SULT1B1: variants seen among roughly 807,000 people sequenced by gnomAD.
SULT1B1 encodes the protein sulfotransferase family 1B member 1.
A neutral mutation model predicts 34.6 loss-of-function variants in SULT1B1; 28 were observed. The observed-to-expected ratio is 0.81, with a 90% confidence interval of 0.60 to 1.11. SULT1B1 has a LOEUF of 1.11. SULT1B1 is among the 50% of genes least tolerant of loss of function. The pLI, the probability that SULT1B1 is intolerant of heterozygous loss-of-function variation, is 0.00. For missense variants in SULT1B1, 374 were observed against 352.2 expected, an observed-to-expected ratio of 1.06 and a Z score of -0.50; for synonymous variants, 147 against 110.2, an observed-to-expected ratio of 1.33 and a Z score of -2.09.
At chr4:69,740,548 A>T (rs1205171514) in intron 4 of SULT1B1, among the ~76,000 whole-genome samples, 1 of 152,188 alleles carries the variant, frequency 6.6e-6, no homozygotes, top group Non-Finnish European at 1.5e-5. Context: ...TCAAGGTGAG[A>T]TTTGGGTAGA....
intron 3 of SULT1B1, among the ~76,000 whole-genome samples, chr4:69,754,383 C>T (rs1436736201): frequency 1.3e-5 from 2 of 152,096 alleles, no homozygotes; most frequent in Non-Finnish European, 2.9e-5. Flanking sequence ...ACTTACTAAT[C>T]TAATCAGACA....
intron 6 of SULT1B1, 37 bp downstream of exon 6, chr4:69,733,376 T>TG: frequency 6.9e-7 from 1 of 1,452,696 alleles, no homozygotes; most frequent in Non-Finnish European, 9.5e-7. Flanking sequence ...CATGATGCAG[T>TG]GGGGAAATTA....
At position 69,733,480 on chromosome 4, in the gene SULT1B1, A is replaced by G. The variant is rs1420324365; in HGVS notation, c.530T>C (p.Val177Ala). ...KVAYGSWFTH[V>A]KNWWKKKEEH... is the part of the protein sequence containing the mutation. ...TTCCTTTTTCTTCCACCAGTTTTTA[A>G]CATGAGTAAACCAGGAACCATAGGC... The change falls in exon 6 of 8, where the codon GTT becomes GCT. Residue 177 changes from valine (V) to alanine (A), a missense_variant. By Grantham distance (64) the Val-to-Ala change is moderately conservative. Coordinates refer to ENST00000310613, the MANE Select transcript of SULT1B1 (RefSeq NM_014465.4). 2 of 1,608,282 alleles carry G rather than the reference A, an allele frequency of 1.2e-6. No individual in the cohort carries two copies. The highest frequency in any genetic ancestry group is 1.1e-5 in the South Asian group (1 of 90,050).
intron 4 of SULT1B1, 147 bp from the exon 5 acceptor site, chr4:69,734,411 A>C: frequency 1.4e-6 from 1 of 734,918 alleles, no homozygotes; most frequent in South Asian, 2.0e-5. Context: ...AACAGCTAAA[A>C]TATAGAATCA....
chr4:69,744,755 T>C (rs1298603687), intron 4 of SULT1B1, among the ~76,000 whole-genome samples: 1 of 152,220 alleles, frequency 6.6e-6, no homozygotes, highest in Non-Finnish European at 1.5e-5. Context: ...GTTATTTCTT[T>C]TCTTCTGCTA....
chr4:69,760,040 G>A (rs1246772778), intron 1 of SULT1B1, among the ~76,000 whole-genome samples: 1 of 152,164 alleles, frequency 6.6e-6, no homozygotes, highest in Admixed American at 6.5e-5. Flanking sequence ...ATCAAATCAA[G>A]CTACTTAAAT....
chr4:69,743,356 A>G (rs1048421828), intron 4 of SULT1B1, among the ~76,000 whole-genome samples: 14 of 152,170 alleles, frequency 9.2e-5, no homozygotes, highest in Non-Finnish European at 4.4e-5. Context: ...TCCTCCCGTC[A>G]TCTCTTCTGG....
chr4:69,748,728 C>G (rs1167449923), intron 4 of SULT1B1, among the ~76,000 whole-genome samples: 1 of 152,126 alleles, frequency 6.6e-6, no homozygotes, highest in Non-Finnish European at 1.5e-5. Context: ...TCCTCAAACA[C>G]TTAGAAGTTA....
intron 6 of SULT1B1, among the ~76,000 whole-genome samples, chr4:69,732,362 A>G (rs1718114906): frequency 6.6e-6 from 1 of 152,170 alleles, no homozygotes; most frequent in South Asian, 2.1e-4. Context: ...AGCAAGTAAT[A>G]TTTCACATGG....
chr4:69,757,607 A>G (rs764785612), intron 1 of SULT1B1, among the ~76,000 whole-genome samples: 8 of 152,060 alleles, frequency 5.3e-5, no homozygotes, highest in Admixed American at 1.3e-4. Context: ...CACAAAATCT[A>G]GGAGGGAGAA....
intron 1 of SULT1B1, among the ~76,000 whole-genome samples, chr4:69,756,588 C>A (rs1208519391): frequency 6.6e-6 from 1 of 152,070 alleles, no homozygotes; most frequent in Non-Finnish European, 1.5e-5. Context: ...TTAATCAAAA[C>A]ATCGTTGTTT....
Position 69,759,519 on chromosome 4 carries a change from C to A in SULT1B1, c.-45+940G>T, listed in dbSNP as rs993417129. Among the ~76,000 whole-genome samples the A allele has an allele frequency of 7.9e-5, 12 of 152,236 alleles. 1 individual carries two copies. The highest frequency in any genetic ancestry group is 7.8e-4 in the Admixed American group (12 of 15,292). ...GCTGTTTGTGAATATATGCTAGTCACCTCTGGGAAGTGGGTGTGTCCAATT... is the reference window on the plus strand; with the variant it reads ...GCTGTTTGTGAATATATGCTAGTCAACTCTGGGAAGTGGGTGTGTCCAATT... On this transcript the variant is annotated intron_variant, in intron 1 of 7. Coordinates refer to ENST00000310613, the MANE Select transcript of SULT1B1 (RefSeq NM_014465.4).
chr4:69,752,556 C>G (rs1032686471), intron 3 of SULT1B1, among the ~76,000 whole-genome samples: 1 of 152,162 alleles, frequency 6.6e-6, no homozygotes, highest in East Asian at 1.9e-4. Flanking sequence ...ATAAGCTGAA[C>G]TTAATGGCTT....
At chr4:69,741,567 T>C (rs1377735623) in intron 4 of SULT1B1, among the ~76,000 whole-genome samples, 2 of 152,210 alleles carry the variant, frequency 1.3e-5, no homozygotes, top group Non-Finnish European at 2.9e-5. Flanking sequence ...GTTTTAGCCA[T>C]GTTTTGTAAT....
intron 3 of SULT1B1, among the ~76,000 whole-genome samples, chr4:69,750,649 A>C (rs1718943948): frequency 6.6e-6 from 1 of 152,230 alleles, no homozygotes; most frequent in Non-Finnish European, 1.5e-5. Flanking sequence ...AATTCACTGC[A>C]TATGCTAAGA....
intron 7 of SULT1B1, among the ~76,000 whole-genome samples, chr4:69,728,129 T>C (rs370251654): frequency 6.6e-6 from 1 of 151,992 alleles, no homozygotes; most frequent in South Asian, 2.1e-4. Flanking sequence ...GGGTTCAACA[T>C]AAACATACTG....
chr4:69,746,910 T>C (rs1371845045), intron 4 of SULT1B1, among the ~76,000 whole-genome samples: 1 of 152,242 alleles, frequency 6.6e-6, no homozygotes, highest in East Asian at 1.9e-4. Flanking sequence ...GTTTTGACTG[T>C]AGTGTAAATT....
intron 7 of SULT1B1, 97 bp from the exon 8 acceptor site, chr4:69,727,297 A>T: frequency 1.3e-6 from 1 of 754,780 alleles, no homozygotes; most frequent in Non-Finnish European, 1.9e-6. Flanking sequence ...CTAAAGAAAG[A>T]CCTTCCTTTT....
chr4:69,728,115 A>C (rs190045965), intron 7 of SULT1B1, among the ~76,000 whole-genome samples: 1 of 152,172 alleles, frequency 6.6e-6, no homozygotes, highest in Admixed American at 6.5e-5. Context: ...ATAGGGTTGA[A>C]TAAGGGTTCA....
Sources: gnomAD v4.1 joint callset for allele counts (sites outside exome capture counted in the v4.1 genomes callset) on GRCh38, gnomAD v4.1.1 for gene constraint, MANE v1.5 for transcripts, NCBI Gene and HGNC (gene_info 2026-07-23, HGNC 2026-07-21) for gene names.